The following ADD1 variants were observed in gnomAD, a reference collection of about 807,000 sequenced individuals.
ADD1 encodes alpha-adducin.
A neutral mutation model predicts 80.5 loss-of-function variants in ADD1; 24 were observed. That is an observed-to-expected ratio of 0.30 (90% CI 0.22 to 0.42). ADD1 has a LOEUF of 0.42. Ranked by LOEUF, ADD1 falls within the 10% of genes least tolerant of loss-of-function variation. The pLI is 1.00. For synonymous variants in ADD1, 373 were observed against 393.8 expected, an observed-to-expected ratio of 0.95 and a Z score of 0.63; for missense variants, 948 against 1,019.0, an observed-to-expected ratio of 0.93 and a Z score of 0.95.
At chr4:2,921,760 T>G (rs1330886961) in intron 14 of ADD1, among the ~76,000 whole-genome samples, 1 of 152,172 alleles carries the variant, frequency 6.6e-6, no homozygotes, top group Non-Finnish European at 1.5e-5. Context: ...TGCCTGTCAC[T>G]TTCAGGCACA....
intron 4 of ADD1, among the ~76,000 whole-genome samples, chr4:2,886,648 G>A (rs1490007821): frequency 1.3e-5 from 2 of 152,160 alleles, no homozygotes; most frequent in Admixed American, 1.3e-4. Context: ...CAAAGAGTAG[G>A]CATGCAGTAA....
At chr4:2,898,561 A>G (rs1281502753) in intron 8 of ADD1, 30 bp downstream of exon 8, 4 of 1,585,326 alleles carry the variant, frequency 2.5e-6, no homozygotes, top group Non-Finnish European at 3.5e-6. Flanking sequence ...GTCACTCTGC[A>G]GTTTATTTAG....
chr4:2,867,726 C>T (rs899357573), intron 1 of ADD1: 1 of 152,176 alleles, frequency 6.6e-6, no homozygotes, highest in Non-Finnish European at 1.5e-5. Flanking sequence ...TAGGCTGGGA[C>T]AAATTGCTGT....
At chr4:2,853,339 T>G (rs532949094) in intron 1 of ADD1, 2 of 152,296 alleles carry the variant, frequency 1.3e-5, no homozygotes, top group South Asian at 4.1e-4. Flanking sequence ...ACATCTGACC[T>G]CAGGTGATCT....
In ADD1 at chr4:2,926,703, A is replaced by C. The variant is rs1234155266; in HGVS notation, c.2047+591A>C. The C allele has an allele frequency of 6.2e-7, 1 of 1,610,646 alleles. No individual in the cohort carries two copies. The highest frequency in any genetic ancestry group is 1.3e-5 in the African/African-American group (1 of 74,980). The stretch of plus-strand genomic sequence containing the variant: ...AAGTACCGTGCTGCCTCCGCTCTCC[A>C]CCGGTGCCCTGCGCTTTGCCTCATT... On this transcript the variant is annotated intron_variant, in intron 15 of 15. Coordinates refer to ENST00000683351, the MANE Select transcript of ADD1 (RefSeq NM_001354761.2). The surrounding 1 kb of genome is among the most constrained non-coding windows in gnomAD (Gnocchi z 5.0).
intron 4 of ADD1, among the ~76,000 whole-genome samples, chr4:2,889,774 A>G (rs1733990316): frequency 6.6e-6 from 1 of 152,130 alleles, no homozygotes; most frequent in Non-Finnish European, 1.5e-5. Flanking sequence ...GTGAGCTGAG[A>G]TTGTGCCACT....
chr4:2,888,706 C>G (rs1255649488), intron 4 of ADD1, among the ~76,000 whole-genome samples: 1 of 152,138 alleles, frequency 6.6e-6, no homozygotes, highest in Non-Finnish European at 1.5e-5. Flanking sequence ...GTGTGAGCCA[C>G]TGCACCCAGC....
intron 2 of ADD1, among the ~76,000 whole-genome samples, chr4:2,880,606 G>C (rs1012576901): frequency 5.3e-5 from 8 of 150,648 alleles, no homozygotes; most frequent in African/African-American, 1.5e-4. Flanking sequence ...CTCCCGAGTA[G>C]CTGGGACTAC....
At chr4:2,913,836 A>G (rs746331196) in intron 13 of ADD1, among the ~76,000 whole-genome samples, 6 of 151,954 alleles carry the variant, frequency 3.9e-5, no homozygotes, top group Admixed American at 6.6e-5. Context: ...TCCTGTTTCT[A>G]TTTGGTTTTG....
At chr4:2,901,309 G>C (rs932564606) in intron 9 of ADD1, 2 of 152,242 alleles carry the variant, frequency 1.3e-5, no homozygotes, top group African/African-American at 2.4e-5. Flanking sequence ...GGAGGAGAGA[G>C]GGGGGTCAGA....
intron 6 of ADD1, among the ~76,000 whole-genome samples, chr4:2,895,377 G>T (rs971151950): frequency 2.6e-5 from 4 of 152,090 alleles, no homozygotes; most frequent in African/African-American, 7.2e-5. Context: ...CATCTCGTTC[G>T]AGAAGAATGG....
chr4:2,894,476 A>G (rs908725974), intron 5 of ADD1, 106 bp from the exon 6 acceptor site: 17 of 1,031,754 alleles, frequency 1.6e-5, no homozygotes, highest in East Asian at 2.7e-5. Flanking sequence ...GCACCACTGC[A>G]CTCCAGCCTG....
At chr4:2,848,075 C>T (rs543157433) in intron 1 of ADD1, among the ~76,000 whole-genome samples, 123 of 152,172 alleles carry the variant, frequency 8.1e-4, no homozygotes, top group African/African-American at 2.7e-3. Flanking sequence ...ATTAGTCAGG[C>T]TTGGTGGTGG....
At chr4:2,855,280 TTCTG>T (rs1216809540) in intron 1 of ADD1, among the ~76,000 whole-genome samples, 2 of 152,190 alleles carry the variant, frequency 1.3e-5, no homozygotes, top group African/African-American at 4.8e-5. Context: ...TACCTGTAAT[TTCTG>T]TCTTTTAACT....
chr4:2,875,961 ACCACAG>A lies in ADD1; in HGVS notation c.49_54del (p.Thr17_Ala18del). ...TGCGGTGGTGACCTCACCACCCCCG[ACCACAG>A]CCCCTCACAAGGAGAGGTACTTCGA... On this transcript the variant is annotated inframe_deletion, in exon 2 of 16. Transcript: ENST00000683351. 1 of 1,613,772 alleles carries A rather than the reference ACCACAG, an allele frequency of 6.2e-7. No individual in the cohort carries two copies. The highest frequency in any genetic ancestry group is 8.5e-7 in the Non-Finnish European group (1 of 1,179,846).
chr4:2,893,017 A>G (rs1289823456), intron 4 of ADD1, among the ~76,000 whole-genome samples: 2 of 151,946 alleles, frequency 1.3e-5, no homozygotes, highest in Admixed American at 1.3e-4. Flanking sequence ...CTGGGTTCCA[A>G]GTGATTCTCG....
intron 14 of ADD1, among the ~76,000 whole-genome samples, chr4:2,915,594 T>C (rs147504075): frequency 5.6e-4 from 85 of 152,230 alleles, no homozygotes; most frequent in African/African-American, 1.9e-3. Context: ...TGAGCCGAGA[T>C]TGCACCACGG....
chr4:2,888,652 A>G (rs1413831557), intron 4 of ADD1, among the ~76,000 whole-genome samples: 1 of 151,860 alleles, frequency 6.6e-6, no homozygotes, highest in Non-Finnish European at 1.5e-5. Flanking sequence ...TCCTGACCTC[A>G]AGTGATCCGC....
chr4:2,848,516 G>A lies in ADD1; in HGVS notation c.-21+4492G>A, dbSNP rs1041908057. 7.9e-5 allele frequency among the ~76,000 whole-genome samples: 12 copies of A among 151,950 alleles called. 1 individual carries two copies. The highest frequency in any genetic ancestry group is 2.0e-4 in the Admixed American group (3 of 15,250). On this transcript the variant is annotated intron_variant, in intron 1 of 15. Transcript: ENST00000683351. ...CAGACTCTTGCTCTGTCACCTAGGCGGGAATATAGTGATGTGATCATAGTT... is the reference window on the plus strand; with the variant it reads ...CAGACTCTTGCTCTGTCACCTAGGCAGGAATATAGTGATGTGATCATAGTT...
Sources: allele counts gnomAD v4.1 joint callset (sites outside exome capture counted in the v4.1 genomes callset), GRCh38; gene constraint gnomAD v4.1.1; non-coding constraint Gnocchi (gnomAD v3.1); transcripts MANE v1.5; gene names NCBI Gene and HGNC (gene_info 2026-07-23, HGNC 2026-07-21).